RP9: variants seen among roughly 807,000 people sequenced by gnomAD.
The protein encoded by RP9 is RP9 pre-mRNA splicing factor.
Under a neutral mutation model 32.6 loss-of-function variants are expected in RP9, and 23 were observed. The ratio of observed to expected loss-of-function variants is 0.71; its 90% CI spans 0.51 to 1.00. The LOEUF (loss-of-function observed/expected upper bound fraction) is 1.00, where lower values mean the gene tolerates loss of function less well. Among genes scored for constraint, RP9 ranks in the 50% least tolerant of loss-of-function variants. The probability of loss-of-function intolerance (pLI) is 0.00; values close to 1 mark genes in which losing one functional copy is unlikely to be tolerated. For synonymous variants in RP9, 94 were observed against 103.6 expected, an observed-to-expected ratio of 0.91 and a Z score of 0.56; for missense variants, 245 against 285.3, an observed-to-expected ratio of 0.86 and a Z score of 1.02.
At chr7:33,105,495 A>C (rs1584004605) in intron 1 of RP9, among the ~76,000 whole-genome samples, 1 of 152,140 alleles carries the variant, frequency 6.6e-6, no homozygotes, top group African/African-American at 2.4e-5. Flanking sequence ...TTTTTAAAGA[A>C]GATAAAATCT....
At chr7:33,096,644 A>T (rs1788339057) in intron 4 of RP9, 90 bp from the exon 5 acceptor site, 3 of 743,408 alleles carry the variant, frequency 4.0e-6, no homozygotes, top group East Asian at 3.1e-5. Flanking sequence ...AAACCAGTTT[A>T]TTTTTTTTTT....
At position 33,094,915 on chromosome 7, in the gene RP9, C is replaced by T. The variant is rs1189429013; in HGVS notation, c.*319G>A. The T allele has an allele frequency of 4.0e-5, 17 of 421,258 alleles. No homozygotes were observed. The highest frequency in any genetic ancestry group is 6.1e-5 in the Non-Finnish European group (14 of 231,102). 26.1% of individuals were successfully genotyped at this position (421,258 alleles called of 1,614,324 possible). ...ACAAGCTGTGGGAGGGCCTGGAAGA[C>T]ACGCCTCAGAGATTCTCCCAGTCCT... On this transcript the variant is annotated 3_prime_UTR_variant, in exon 6 of 6. Transcript: ENST00000297157.
intron 3 of RP9, among the ~76,000 whole-genome samples, chr7:33,098,480 A>G (rs1362427318): frequency 6.6e-6 from 1 of 152,184 alleles, no homozygotes; most frequent in Non-Finnish European, 1.5e-5. Context: ...GTCTGAAGGA[A>G]GCTGCTGCAA....
At chr7:33,097,951 A>C (rs1788365928) in intron 3 of RP9, among the ~76,000 whole-genome samples, 2 of 152,180 alleles carry the variant, frequency 1.3e-5, no homozygotes, top group Non-Finnish European at 2.9e-5. Flanking sequence ...AGTGTGTTTC[A>C]GTATATTTTT....
At position 33,096,498 on chromosome 7, in the gene RP9, G is replaced by C; in HGVS notation, c.462C>G (p.Asp154Glu). 1 of 1,609,898 alleles carries C rather than the reference G, an allele frequency of 6.2e-7. No individual in the cohort carries two copies. The highest frequency in any genetic ancestry group is 8.5e-7 in the Non-Finnish European group (1 of 1,176,316). The change falls in exon 5 of 6, where the codon GAC (aspartate) becomes GAG (glutamate). Residue 154 changes from aspartate (D) to glutamate (E), a missense_variant. Coordinates refer to ENST00000297157, the MANE Select transcript of RP9 (RefSeq NM_203288.2). The stretch of plus-strand genomic sequence containing the variant: ...TATCATCAGGACGACCTCACCTTAC[G>C]TCCTTTTCATGTCGTTTATTGTCTC... ...IIRDNKRHEK[D>E]VRIQQLKQLL...
chr7:33,106,945 A>G (rs1321675579), intron 1 of RP9, among the ~76,000 whole-genome samples: 17 of 150,274 alleles, frequency 1.1e-4, no homozygotes, highest in Admixed American at 3.3e-4. Context: ...CTCCATCTCA[A>G]AAAAAAAAAA....
chr7:33,106,382 C>T (rs1295672892), intron 1 of RP9, among the ~76,000 whole-genome samples: 1 of 152,136 alleles, frequency 6.6e-6, no homozygotes, highest in Non-Finnish European at 1.5e-5. Context: ...ATAAATGCTG[C>T]CCAGGCTGGT....
intron 1 of RP9, among the ~76,000 whole-genome samples, chr7:33,103,958 C>A (rs1360434563): frequency 1.3e-5 from 2 of 151,536 alleles, no homozygotes; most frequent in Non-Finnish European, 1.5e-5. Context: ...GAACAAAAGA[C>A]AACAAAAAAG....
intron 1 of RP9, among the ~76,000 whole-genome samples, chr7:33,108,963 G>T (rs1161935252): frequency 6.6e-6 from 1 of 152,150 alleles, no homozygotes; most frequent in Non-Finnish European, 1.5e-5. Flanking sequence ...CTAGGGAAGC[G>T]CAGGGCCTCC....
chr7:33,096,223 G>A (rs1006099549), intron 5 of RP9, among the ~76,000 whole-genome samples: 4 of 152,218 alleles, frequency 2.6e-5, no homozygotes, highest in African/African-American at 4.8e-5. Context: ...TACTGTACAA[G>A]TAGACAGCAC....
intron 1 of RP9, among the ~76,000 whole-genome samples, chr7:33,107,897 A>G (rs1473464926): frequency 6.6e-6 from 1 of 152,222 alleles, no homozygotes; most frequent in Non-Finnish European, 1.5e-5. Context: ...CAGGAAAAGG[A>G]AAGTGATGTA....
intron 1 of RP9, among the ~76,000 whole-genome samples, chr7:33,101,492 C>G (rs1284752797): frequency 2.0e-5 from 3 of 151,994 alleles, no homozygotes; most frequent in Non-Finnish European, 4.4e-5. Context: ...ATCCCAGCTA[C>G]TCAGGAGGCT....
At position 33,095,172 on chromosome 7, in the gene RP9, G is replaced by T. The variant is rs368605088; in HGVS notation, c.*62C>A. ...CTCTATCCTGCTGCTTTCTCTGACT[G>T]CATCTTCCTCTGTTCCTTGGTCAGT... is the stretch of plus-strand genomic sequence containing the variant. On this transcript the variant is annotated 3_prime_UTR_variant, in exon 6 of 6. Transcript: ENST00000297157. 6.3e-6 allele frequency: 10 copies of T among 1,589,432 alleles called. No individual in the cohort carries two copies. The African/African-American group carries it at 1.3e-4, about 21-fold the overall frequency.
At chr7:33,100,723 G>C (rs757214763) in intron 1 of RP9, 162 bp from the exon 2 acceptor site, 11 of 720,146 alleles carry the variant, frequency 1.5e-5, no homozygotes, top group Admixed American at 2.0e-5. Context: ...AGAGCAGAAT[G>C]CTTCTCCTCC....
chr7:33,107,808 T>C (rs1221267404), intron 1 of RP9, among the ~76,000 whole-genome samples: 1 of 152,234 alleles, frequency 6.6e-6, no homozygotes, highest in African/African-American at 2.4e-5. Context: ...AAGAACTGTT[T>C]TCAAAGAGGG....
At chr7:33,103,421 C>T (rs762898291) in intron 1 of RP9, among the ~76,000 whole-genome samples, 2 of 152,172 alleles carry the variant, frequency 1.3e-5, no homozygotes, top group Non-Finnish European at 2.9e-5. Context: ...GCAGCATGAG[C>T]GCCCTATCAT....
chr7:33,095,722 C>T (rs1390350281), intron 5 of RP9, among the ~76,000 whole-genome samples: 1 of 152,214 alleles, frequency 6.6e-6, no homozygotes, highest in African/African-American at 2.4e-5. Flanking sequence ...TTTACTAAAC[C>T]ATTCCCCTAC....
intron 1 of RP9, chr7:33,100,807 G>A (rs536552153): frequency 8.2e-5 from 54 of 655,528 alleles, no homozygotes; most frequent in Non-Finnish European, 1.2e-4. Context: ...GAACCCAGAG[G>A]AGACCCAGAA....
intron 2 of RP9, 40 bp from the exon 3 acceptor site, chr7:33,099,476 C>G (rs761153602): frequency 6.2e-7 from 1 of 1,613,234 alleles, no homozygotes; most frequent in Admixed American, 1.7e-5. Flanking sequence ...GGCAAGAGCG[C>G]TGGGATTCTC....
Sources: allele counts gnomAD v4.1 joint callset (sites outside exome capture counted in the v4.1 genomes callset), GRCh38; gene constraint gnomAD v4.1.1; transcripts MANE v1.5; gene names NCBI Gene and HGNC (gene_info 2026-07-23, HGNC 2026-07-21).